The following MEGF6 variants were observed in gnomAD, a reference collection of about 807,000 sequenced individuals.
MEGF6 encodes the protein multiple EGF like domains 6.
A neutral mutation model predicts 207.1 loss-of-function variants in MEGF6; 184 were observed. The observed-to-expected ratio is 0.89, with a 90% CI of 0.79 to 1.00. MEGF6 has a LOEUF of 1.00. MEGF6 is among the 50% of genes least tolerant of loss of function. MEGF6 has a pLI of 0.00. For missense variants in MEGF6, 2,282 were observed against 2,202.9 expected, an observed-to-expected ratio of 1.04 and a Z score of -0.72; for synonymous variants, 1,038 against 910.0, an observed-to-expected ratio of 1.14 and a Z score of -2.53.
At chr1:3,533,922 G>A (rs550896545) in intron 4 of MEGF6, among the ~76,000 whole-genome samples, 42 of 152,332 alleles carry the variant, frequency 2.8e-4, no homozygotes, top group African/African-American at 9.4e-4. Flanking sequence ...AGGCTCCGGG[G>A]TCTTGGGAGG....
chr1:3,544,280 A>AGGCTAACCCTCTCCCCCCAGCGTCG (rs1642632713), intron 4 of MEGF6, among the ~76,000 whole-genome samples: 1 of 135,080 alleles, frequency 7.4e-6, no homozygotes, highest in African/African-American at 3.8e-5. Context: ...CCTCAGCATC[A>AGGCTAACCCTCTCCCCCCAGCGTCG]CAGCAGCCAG....
At chr1:3,603,343 C>G (rs1431415608) in intron 1 of MEGF6, among the ~76,000 whole-genome samples, 1 of 152,058 alleles carries the variant, frequency 6.6e-6, no homozygotes, top group Non-Finnish European at 1.5e-5. Context: ...CAAAGACAGC[C>G]ACACGGGCCA....
At chr1:3,497,967 G>A (rs1640682820) in intron 26 of MEGF6, among the ~76,000 whole-genome samples, 1 of 152,258 alleles carries the variant, frequency 6.6e-6, no homozygotes, top group African/African-American at 2.4e-5. Flanking sequence ...CCGCTGGGTG[G>A]ACCAGGCCCT....
intron 1 of MEGF6, among the ~76,000 whole-genome samples, chr1:3,610,471 T>G (rs1644309322): frequency 6.8e-6 from 1 of 146,492 alleles, no homozygotes; most frequent in Admixed American, 6.8e-5. Context: ...CGCCAGCGAC[T>G]CCCCTCCTCC....
chr1:3,498,871 G>A (rs563106815), intron 24 of MEGF6, 45 bp from the exon 25 acceptor site: 1 of 1,540,528 alleles, frequency 6.5e-7, no homozygotes, highest in African/African-American at 1.4e-5. Context: ...CCAGCCAGCT[G>A]GCCCCACAGG....
At chr1:3,621,433 GT>G in the MEGF6 span, among the ~76,000 whole-genome samples, 1 of 152,130 alleles carries the variant, frequency 6.6e-6, no homozygotes, top group Non-Finnish European at 1.5e-5. Flanking sequence ...GTACGGCCTG[GT>G]TTTTTCTAGG....
At chr1:3,599,904 G>A (rs1285564100) in intron 2 of MEGF6, among the ~76,000 whole-genome samples, 1 of 152,208 alleles carries the variant, frequency 6.6e-6, no homozygotes, top group Non-Finnish European at 1.5e-5. Context: ...GCTCTGACAG[G>A]CACGACCCCA....
At chr1:3,504,087 GAGAGCCCCCT>G (rs1641010926) in intron 17 of MEGF6, among the ~76,000 whole-genome samples, 3 of 152,106 alleles carry the variant, frequency 2.0e-5, no homozygotes, top group African/African-American at 7.2e-5. Context: ...CTTGAGTCCA[GAGAGCCCCCT>G]GGTATGGCCC....
At chr1:3,603,774 C>A (rs1170392523) in intron 1 of MEGF6, among the ~76,000 whole-genome samples, 2 of 152,110 alleles carry the variant, frequency 1.3e-5, no homozygotes, top group African/African-American at 4.8e-5. Context: ...AGCCGCCGCC[C>A]CGTGGGCCGG....
intron 4 of MEGF6, among the ~76,000 whole-genome samples, chr1:3,550,811 G>C (rs1389603779): frequency 2.0e-5 from 3 of 152,382 alleles, no homozygotes; most frequent in African/African-American, 4.8e-5. Flanking sequence ...AGGGGAGCAA[G>C]AGGGGGCCCA....
At chr1:3,592,942 C>G (rs1197891497) in intron 3 of MEGF6, among the ~76,000 whole-genome samples, 1 of 152,242 alleles carries the variant, frequency 6.6e-6, no homozygotes, top group Non-Finnish European at 1.5e-5. Flanking sequence ...TCCCCTGCTC[C>G]CTGCCCCCAG....
At chr1:3,491,921 G>A (rs1020064896) in intron 35 of MEGF6, among the ~76,000 whole-genome samples, 1 of 151,456 alleles carries the variant, frequency 6.6e-6, no homozygotes, top group Non-Finnish European at 1.5e-5. Context: ...CACAGGTGCT[G>A]GAGCACGCTC....
chr1:3,548,662 T>C (rs1035643555), intron 4 of MEGF6, among the ~76,000 whole-genome samples: 7 of 152,304 alleles, frequency 4.6e-5, no homozygotes, highest in African/African-American at 1.7e-4. Context: ...GCCAGGTGGC[T>C]GGGAGGGCGG....
At chr1:3,598,923 G>C (rs962499542) in intron 2 of MEGF6, among the ~76,000 whole-genome samples, 2 of 152,036 alleles carry the variant, frequency 1.3e-5, no homozygotes, top group Non-Finnish European at 2.9e-5. Flanking sequence ...GGCCGGGTTT[G>C]TCAGGGAAGT....
chr1:3,505,390 C>A (rs1458715403), intron 16 of MEGF6, 32 bp downstream of exon 16: 3 of 1,598,790 alleles, frequency 1.9e-6, no homozygotes, highest in South Asian at 2.2e-5. Flanking sequence ...ACCCTGGCGC[C>A]CCCCGCCCCC....
upstream of MEGF6, among the ~76,000 whole-genome samples, chr1:3,612,566 C>T (rs1644342266): frequency 6.6e-6 from 1 of 152,116 alleles, no homozygotes; most frequent in Non-Finnish European, 1.5e-5. Context: ...AGGTGTGGCC[C>T]CCTCATTAGC....
intron 4 of MEGF6, among the ~76,000 whole-genome samples, chr1:3,571,059 T>A (rs750475316): frequency 3.3e-5 from 5 of 152,004 alleles, no homozygotes; most frequent in Non-Finnish European, 5.9e-5. Flanking sequence ...AGGGACCCCA[T>A]TAACTGTGAG....
At chr1:3,508,449 C>A in intron 13 of MEGF6, 109 bp downstream of exon 13, 2 of 1,343,230 alleles carry the variant, frequency 1.5e-6, no homozygotes, top group Non-Finnish European at 2.0e-6. Context: ...GAGCCCCCTG[C>A]CCAGGGCCAG....
intron 5 of MEGF6, among the ~76,000 whole-genome samples, chr1:3,515,730 C>T (rs1244769772): frequency 6.6e-6 from 1 of 152,264 alleles, no homozygotes. Context: ...TTTGCCTTCT[C>T]TGCTGCCTAC....
Sources: gnomAD v4.1 joint callset for allele counts (sites outside exome capture counted in the v4.1 genomes callset) on GRCh38, gnomAD v4.1.1 for gene constraint, MANE v1.5 for transcripts, NCBI Gene and HGNC (gene_info 2026-07-23, HGNC 2026-07-21) for gene names.